SERGEF: variants seen among roughly 807,000 people sequenced by gnomAD.
SERGEF encodes secretion-regulating guanine nucleotide exchange factor.
SERGEF carries 51 observed loss-of-function variants against 50.0 expected under a neutral mutation model. The ratio of observed to expected loss-of-function variants is 1.02; its 90% CI spans 0.81 to 1.29. SERGEF has a LOEUF of 1.29. Among genes scored for constraint, SERGEF ranks in the 50% most tolerant of loss-of-function variants. The pLI is 0.00. For synonymous variants in SERGEF, 205 were observed against 212.4 expected, an observed-to-expected ratio of 0.97 and a Z score of 0.30; for missense variants, 521 against 557.0, an observed-to-expected ratio of 0.94 and a Z score of 0.65.
At chr11:17,998,647 A>T (rs898184103) in intron 5 of SERGEF, among the ~76,000 whole-genome samples, 1 of 151,118 alleles carries the variant, frequency 6.6e-6, no homozygotes, top group Non-Finnish European at 1.5e-5. Context: ...CTGTAACTAG[A>T]TTTGCAGATA....
At position 17,959,587 on chromosome 11, in the gene SERGEF, C is replaced by T; in HGVS notation, c.894G>A (p.Gly298=). The change falls in exon 9 of 11, where the codon GGG becomes GGA. Residue 298 remains glycine, a synonymous_variant. Transcript: ENST00000265965. ...TWGRADYGQL[G]RKLETYEGWK... ...AGCCTTCATAAGTCTCCAACTTCCT[C>T]CCTAGCTGACCATAGTCTGCTCGGC... The T allele has an allele frequency of 6.2e-7, 1 of 1,614,086 alleles. No homozygotes were observed. Among genetic ancestry groups the T allele is most frequent in the Non-Finnish European group, 8.5e-7 (1 of 1,179,960 alleles).
chr11:17,976,580 G>A (rs778813238), intron 8 of SERGEF, among the ~76,000 whole-genome samples: 1 of 151,324 alleles, frequency 6.6e-6, no homozygotes, highest in East Asian at 1.9e-4. Flanking sequence ...GATTACATGA[G>A]TGAGCCACCG....
chr11:17,841,706 A>G (rs145450334), intron 10 of SERGEF, among the ~76,000 whole-genome samples: 90 of 152,336 alleles, frequency 5.9e-4, no homozygotes, highest in Admixed American at 1.5e-3. Flanking sequence ...TATGATTACT[A>G]TGAGCTTAGA....
chr11:17,821,850 C>T (rs1166612182), intron 10 of SERGEF, among the ~76,000 whole-genome samples: 4 of 152,208 alleles, frequency 2.6e-5, no homozygotes, highest in Non-Finnish European at 5.9e-5. Context: ...TTTACTGCTT[C>T]TAAGTCCTCA....
intron 1 of SERGEF, chr11:18,012,701 G>A (rs1854222004): frequency 5.6e-6 from 6 of 1,075,042 alleles, no homozygotes; most frequent in Non-Finnish European, 7.4e-6. Context: ...GGTTCTTCCC[G>A]CGGCGCCACA....
intron 10 of SERGEF, among the ~76,000 whole-genome samples, chr11:17,875,669 T>C (rs1851225884): frequency 6.6e-6 from 1 of 152,260 alleles, no homozygotes; most frequent in African/African-American, 2.4e-5. Flanking sequence ...TGAGGAGTTG[T>C]GTCCACTAAC....
chr11:18,008,103 A>G (rs746747571), intron 1 of SERGEF, 27 bp from the exon 2 acceptor site: 3 of 1,604,672 alleles, frequency 1.9e-6, no homozygotes, highest in Non-Finnish European at 2.6e-6. Context: ...CAAGGATGAA[A>G]AAGTGTGGGA....
intron 9 of SERGEF, among the ~76,000 whole-genome samples, chr11:17,889,540 A>C (rs1851494676): frequency 6.6e-6 from 1 of 152,236 alleles, no homozygotes; most frequent in Non-Finnish European, 1.5e-5. Context: ...GATAAAGAAA[A>C]GCTATTCCAG....
At chr11:17,998,440 CATATATATATATATATATAT>C (rs60861006) in intron 5 of SERGEF, among the ~76,000 whole-genome samples, 27 of 33,748 alleles carry the variant, frequency 8.0e-4, no homozygotes, top group South Asian at 2.7e-3. Flanking sequence ...TACATACATA[CATATATATATATATATATAT>C]ATATATATAT....
chr11:17,956,785 G>GACCCTA (rs1852881696), intron 9 of SERGEF, among the ~76,000 whole-genome samples: 1 of 152,118 alleles, frequency 6.6e-6, no homozygotes, highest in Non-Finnish European at 1.5e-5. Context: ...GGTCCTCAAG[G>GACCCTA]GTCAGGAAAC....
chr11:17,998,450 T>C (rs1433035898), intron 5 of SERGEF, among the ~76,000 whole-genome samples: 1,081 of 28,976 alleles, frequency 0.037, 8 homozygotes, highest in Admixed American at 0.069. Flanking sequence ...CATATATATA[T>C]ATATATATAT....
At chr11:17,969,313 T>A (rs2133979652) in intron 8 of SERGEF, among the ~76,000 whole-genome samples, 1 of 152,328 alleles carries the variant, frequency 6.6e-6, no homozygotes, top group Non-Finnish European at 1.5e-5. Flanking sequence ...CCAACTCATT[T>A]CACATTCAAA....
At position 18,008,020 on chromosome 11, in the gene SERGEF, G is replaced by C. The variant is rs761379688; in HGVS notation, c.117C>G (p.Pro39=). ...GLGHKEDVLL[P]QQLNDFCKPR... ...GTTTACAGAAGTCATTCAGTTGCTG[G>C]GGCAACAGCACATCTTCCTTATGGC... The change falls in exon 2 of 11, where the codon CCC becomes CCG. Residue 39 remains proline (P), a synonymous_variant. Transcript: ENST00000265965. The C allele has an allele frequency of 6.2e-7, 1 of 1,613,764 alleles. No homozygotes were observed. The highest frequency in any genetic ancestry group is 8.5e-7 in the Non-Finnish European group (1 of 1,179,832).
intron 1 of SERGEF, among the ~76,000 whole-genome samples, chr11:18,011,167 C>CA (rs1565231392): frequency 3.3e-5 from 5 of 150,602 alleles, no homozygotes; most frequent in Non-Finnish European, 5.9e-5. Context: ...CACACACACA[C>CA]CCCTAACAAG....
chr11:17,966,942 T>A (rs1301185739), intron 8 of SERGEF, among the ~76,000 whole-genome samples: 3 of 152,124 alleles, frequency 2.0e-5, no homozygotes, highest in Non-Finnish European at 2.9e-5. Context: ...TTATTGTGAA[T>A]CCCATTTTAC....
At chr11:17,841,135 C>T (rs1053705184) in intron 10 of SERGEF, among the ~76,000 whole-genome samples, 7 of 152,128 alleles carry the variant, frequency 4.6e-5, no homozygotes, top group African/African-American at 1.7e-4. Flanking sequence ...GGCCAGCTAC[C>T]AAACAAGGCT....
chr11:17,852,504 AC>A (rs1359380771), intron 10 of SERGEF, among the ~76,000 whole-genome samples: 2 of 151,108 alleles, frequency 1.3e-5, no homozygotes, highest in African/African-American at 4.9e-5. Context: ...ACCCCACTTC[AC>A]CCCCTCCATT....
At chr11:17,956,963 G>C (rs1039536419) in intron 9 of SERGEF, among the ~76,000 whole-genome samples, 5 of 152,124 alleles carry the variant, frequency 3.3e-5, no homozygotes, top group Non-Finnish European at 7.4e-5. Context: ...TCTTGGCCTC[G>C]AGCAAATACA....
At chr11:17,797,572 AT>A (rs543914655) in intron 10 of SERGEF, among the ~76,000 whole-genome samples, 113 of 147,728 alleles carry the variant, frequency 7.6e-4, no homozygotes, top group African/African-American at 1.6e-3. Flanking sequence ...ATTTTTCTTC[AT>A]TTTTTTTTTA....
Sources: allele counts gnomAD v4.1 joint callset (sites outside exome capture counted in the v4.1 genomes callset), GRCh38; gene constraint gnomAD v4.1.1; transcripts MANE v1.5; gene names NCBI Gene and HGNC (gene_info 2026-07-23, HGNC 2026-07-21).